The following CDH12 variants were observed in gnomAD, a reference collection of about 807,000 sequenced individuals.
CDH12 encodes the protein cadherin-12.
A neutral mutation model predicts 74.1 loss-of-function variants in CDH12; 41 were observed. That is an observed-to-expected ratio of 0.55 (90% CI 0.43 to 0.72). CDH12 has a LOEUF of 0.72. CDH12 is among the 30% of genes least tolerant of loss of function. The probability of loss-of-function intolerance (pLI) is 0.00; values close to 1 mark genes in which losing one functional copy is unlikely to be tolerated. For missense variants in CDH12, 945 were observed against 977.2 expected, an observed-to-expected ratio of 0.97 and a Z score of 0.44; for synonymous variants, 399 against 355.0, an observed-to-expected ratio of 1.12 and a Z score of -1.39.
intron 6 of CDH12, among the ~76,000 whole-genome samples, chr5:21,946,663 C>CAAA (rs1755592069): frequency 6.6e-6 from 1 of 152,150 alleles, no homozygotes; most frequent in Admixed American, 6.5e-5. Context: ...CAATAGACTG[C>CAAA]ATATATCATG....
At chr5:22,501,077 G>T (rs528754308) in intron 2 of CDH12, among the ~76,000 whole-genome samples, 1 of 151,140 alleles carries the variant, frequency 6.6e-6, no homozygotes, top group South Asian at 2.1e-4. Context: ...AGCTTTAAAG[G>T]CAGAAAGAAA....
chr5:22,375,446 A>G (rs901452113), intron 3 of CDH12, among the ~76,000 whole-genome samples: 1 of 152,168 alleles, frequency 6.6e-6, no homozygotes. Context: ...ACAAATAGAC[A>G]TATGGAACTA....
intron 5 of CDH12, among the ~76,000 whole-genome samples, chr5:22,042,497 C>G (rs187745833): frequency 6.6e-6 from 1 of 152,008 alleles, no homozygotes; most frequent in East Asian, 1.9e-4. Context: ...AATGGTCATA[C>G]GAGACTACTA....
chr5:21,752,246 G>C lies in CDH12; in HGVS notation c.1886-10C>G. The C allele has an allele frequency of 6.4e-7, 1 of 1,562,280 alleles. No individual in the cohort carries two copies. Among genetic ancestry groups the C allele is most frequent in the Non-Finnish European group, 8.7e-7 (1 of 1,155,506 alleles). On this transcript the variant is annotated splice_polypyrimidine_tract_variant and intron_variant, in intron 14 of 14. Transcript: ENST00000382254. ...TACAGTACAACTATGGCTGGAACAAGACAAAAATTGCAATTTGAGAATAGA... is the reference window on the plus strand; with the variant it reads ...TACAGTACAACTATGGCTGGAACAACACAAAAATTGCAATTTGAGAATAGA...
chr5:22,584,390 G>A (rs933987439), intron 1 of CDH12, among the ~76,000 whole-genome samples: 1 of 152,098 alleles, frequency 6.6e-6, no homozygotes, highest in Non-Finnish European at 1.5e-5. Context: ...GTGAGCCACT[G>A]CTCCTGGAAG....
chr5:22,590,637 T>C (rs781033724), intron 1 of CDH12, among the ~76,000 whole-genome samples: 17 of 152,240 alleles, frequency 1.1e-4, no homozygotes, highest in Non-Finnish European at 1.6e-4. Context: ...AGATCTAATA[T>C]ACTTATTTAT....
intron 1 of CDH12, among the ~76,000 whole-genome samples, chr5:22,772,150 G>A: frequency 6.6e-6 from 1 of 151,968 alleles, no homozygotes; most frequent in East Asian, 1.9e-4. Flanking sequence ...AGATAGGAGA[G>A]CATGAGAAAT....
intron 1 of CDH12, among the ~76,000 whole-genome samples, chr5:22,703,405 C>T (rs923607686): frequency 6.6e-6 from 1 of 152,130 alleles, no homozygotes; most frequent in African/African-American, 2.4e-5. Flanking sequence ...ATCTGTATGA[C>T]ATTTTCCCAT....
chr5:22,039,035 G>A (rs1161369741), intron 5 of CDH12, among the ~76,000 whole-genome samples: 1 of 152,118 alleles, frequency 6.6e-6, no homozygotes, highest in East Asian at 1.9e-4. Context: ...TGCCCCAACA[G>A]GGTTCAAGCA....
intron 1 of CDH12, among the ~76,000 whole-genome samples, chr5:22,833,106 A>G (rs1353460998): frequency 6.6e-6 from 1 of 152,174 alleles, no homozygotes; most frequent in Non-Finnish European, 1.5e-5. Flanking sequence ...AGGTTTCCCC[A>G]GGTAGATATC....
At chr5:22,385,884 C>CTTTTTTT (rs969476085) in intron 3 of CDH12, among the ~76,000 whole-genome samples, 1 of 95,416 alleles carries the variant, frequency 1.0e-5, no homozygotes, top group Non-Finnish European at 2.1e-5. Flanking sequence ...TGGCTACGCG[C>CTTTTTTT]TTTTTTTTTT....
At chr5:22,478,289 G>T (rs1386956786) in intron 2 of CDH12, among the ~76,000 whole-genome samples, 1 of 151,472 alleles carries the variant, frequency 6.6e-6, no homozygotes, top group Non-Finnish European at 1.5e-5. Context: ...GAGGTGGCGG[G>T]CGCCTGTAGT....
intron 1 of CDH12, among the ~76,000 whole-genome samples, chr5:22,814,792 A>G (rs1749308450): frequency 6.6e-6 from 1 of 152,322 alleles, no homozygotes; most frequent in East Asian, 1.9e-4. Context: ...TGATAAGTCT[A>G]ATTTTAAAAC....
chr5:22,208,519 C>A (rs928906483), intron 4 of CDH12, among the ~76,000 whole-genome samples: 1 of 152,202 alleles, frequency 6.6e-6, no homozygotes, highest in African/African-American at 2.4e-5. Context: ...CACAGACTGT[C>A]CTTTTTACGT....
Position 22,040,475 on chromosome 5 carries a change from A to T in CDH12, c.231+37971T>A, listed in dbSNP as rs536590083. 1.1e-3 allele frequency among the ~76,000 whole-genome samples: 175 copies of T among 152,314 alleles called. 1 individual carries two copies. Among genetic ancestry groups the T allele is most frequent in the African/African-American group, 3.9e-3 (164 of 41,578 alleles). On this transcript the variant is annotated intron_variant, in intron 5 of 14. Transcript: ENST00000382254. The stretch of plus-strand genomic sequence containing the variant: ...AAGCTTGAAAGTCCCATATAGTTTC[A>T]ACCCAAAGAGGTCTTCACTGAGACA...
chr5:22,239,567 A>T (rs1165319670), intron 3 of CDH12, among the ~76,000 whole-genome samples: 1 of 152,204 alleles, frequency 6.6e-6, no homozygotes, highest in African/African-American at 2.4e-5. Context: ...ACATAGTGAG[A>T]TGTAACACTA....
intron 4 of CDH12, among the ~76,000 whole-genome samples, chr5:22,176,057 T>C (rs1323286706): frequency 2.6e-5 from 4 of 152,186 alleles, no homozygotes; most frequent in Non-Finnish European, 5.9e-5. Flanking sequence ...CACGTCTCTA[T>C]GGATTATTGA....
intron 8 of CDH12, among the ~76,000 whole-genome samples, chr5:21,826,942 G>A (rs1748706644): frequency 6.6e-6 from 1 of 152,076 alleles, no homozygotes; most frequent in Admixed American, 6.6e-5. Context: ...GAGCCCTAAT[G>A]TTCAGGGTCT....
intron 6 of CDH12, among the ~76,000 whole-genome samples, chr5:21,904,691 G>A (rs1753556773): frequency 6.6e-6 from 1 of 152,000 alleles, no homozygotes; most frequent in Non-Finnish European, 1.5e-5. Context: ...GAGACAAAAG[G>A]ATTGCTTGAG....
Sources: allele counts gnomAD v4.1 joint callset (sites outside exome capture counted in the v4.1 genomes callset), GRCh38; gene constraint gnomAD v4.1.1; transcripts MANE v1.5; gene names NCBI Gene and HGNC (gene_info 2026-07-23, HGNC 2026-07-21).